RAPGEF2: variants seen among roughly 807,000 people sequenced by gnomAD.
RAPGEF2 encodes the protein PDZ domain containing guanine nucleotide exchange factor (GEF) 1.
In RAPGEF2, 54 loss-of-function variants were observed where a neutral mutation model predicts 186.7. That is an observed-to-expected ratio of 0.29 (90% CI 0.23 to 0.36). The LOEUF is 0.36. RAPGEF2 is among the 10% of genes least tolerant of loss of function. The pLI is 1.00. For synonymous variants in RAPGEF2, 712 were observed against 705.9 expected (o/e 1.01, Z -0.14); for missense variants, 1,532 against 2,045.0 (o/e 0.75, Z 4.84).
At chr4:159,145,969 C>T (rs748740244) in intron 1 of RAPGEF2, among the ~76,000 whole-genome samples, 2 of 152,140 alleles carry the variant, frequency 1.3e-5, no homozygotes, top group African/African-American at 2.4e-5. Flanking sequence ...GATAGGTAAA[C>T]TGTCACCACT....
intron 7 of RAPGEF2, chr4:159,268,140 C>G (rs750186677): frequency 6.2e-7 from 1 of 1,613,118 alleles, no homozygotes; most frequent in South Asian, 1.1e-5. Flanking sequence ...TTCAGTTCAG[C>G]ATATGTTTCT....
chr4:159,156,189 T>C (rs1490139546), intron 1 of RAPGEF2, among the ~76,000 whole-genome samples: 2 of 152,150 alleles, frequency 1.3e-5, no homozygotes, highest in Non-Finnish European at 2.9e-5. Context: ...AGGATCCACT[T>C]CCAAGCTGGC....
intron 1 of RAPGEF2, among the ~76,000 whole-genome samples, chr4:159,137,232 C>T (rs1319329036): frequency 2.6e-5 from 4 of 152,118 alleles, no homozygotes; most frequent in Non-Finnish European, 5.9e-5. Context: ...TCTCACAGTC[C>T]TGGAGGCCAG....
rs539347069 is a variant in RAPGEF2, at chr4:159,186,623, A to G, written c.70-19A>G. ...TTTCCTGACAGGTCTAATAATTTCT[A>G]TTCTTTTCTTTGAAACAGGATCTGG... On this transcript the variant is annotated intron_variant, in intron 1 of 29. Transcript: ENST00000691494. 43 of 1,336,754 alleles carry G rather than the reference A, an allele frequency of 3.2e-5. No individual in the cohort carries two copies. Among genetic ancestry groups the G allele is most frequent in the African/African-American group, 1.3e-4 (9 of 67,056 alleles). 82.8% of individuals were successfully genotyped at this position (1,336,754 alleles called of 1,614,324 possible). A position where few individuals can be genotyped will look rare whatever the true frequency, so the allele number is the denominator to read the frequency against.
chr4:159,330,105 C>A, intron 12 of RAPGEF2, 95 bp downstream of exon 12: 2 of 1,276,086 alleles, frequency 1.6e-6, no homozygotes. Context: ...TTAGGCCTAT[C>A]TCTTAAAGGT....
intron 1 of RAPGEF2, among the ~76,000 whole-genome samples, chr4:159,127,060 CTT>C (rs1243432989): frequency 6.6e-6 from 1 of 152,080 alleles, no homozygotes; most frequent in Non-Finnish European, 1.5e-5. Context: ...GAGTTTTGCT[CTT>C]GTCGCCCAGG....
At chr4:159,338,525 T>G in intron 18 of RAPGEF2, 57 bp downstream of exon 18, 1 of 1,471,970 alleles carries the variant, frequency 6.8e-7, no homozygotes, top group Non-Finnish European at 9.4e-7. Context: ...ATTTCTAACA[T>G]AATGGTCATA....
At chr4:159,355,820 G>GTT (rs113899296) in intron 28 of RAPGEF2, 33 bp from the exon 29 acceptor site, 21 of 1,510,772 alleles carry the variant, frequency 1.4e-5, no homozygotes, top group African/African-American at 1.4e-4. Context: ...GCATGAACTA[G>GTT]TTTTTAATGC....
rs115687644 is a variant in RAPGEF2, at chr4:159,272,089, G to C, written c.543+28298G>C. 8.9e-3 allele frequency among the ~76,000 whole-genome samples: 1,360 copies of C among 152,178 alleles called. 18 individuals are homozygous for C. The highest frequency in any genetic ancestry group is 0.031 in the African/African-American group (1,285 of 41,518). On this transcript the variant is annotated intron_variant, in intron 7 of 29. Coordinates refer to ENST00000691494, the MANE Select transcript of RAPGEF2 (RefSeq NM_001394067.2). The stretch of plus-strand genomic sequence containing the variant: ...GACCGTGGCCATTTGTGTTCTACCA[G>C]AAGTCCTGAACCTTGCCATTTTGTC...
At chr4:159,243,564 A>G (rs948319075) in intron 6 of RAPGEF2, among the ~76,000 whole-genome samples, 3 of 152,064 alleles carry the variant, frequency 2.0e-5, no homozygotes, top group Non-Finnish European at 2.9e-5. Flanking sequence ...TGCATGATCA[A>G]CTTCACAGGT....
chr4:159,237,348 T>A (rs28631513), intron 4 of RAPGEF2, among the ~76,000 whole-genome samples: 3,896 of 152,220 alleles, frequency 0.026, 174 homozygotes, highest in African/African-American at 0.088. Context: ...AGGACTTAAT[T>A]ATCTTTAACA....
In RAPGEF2 at chr4:159,104,536, G is replaced by C. The variant is rs1274077997; in HGVS notation, c.69+305G>C. On this transcript the variant is annotated intron_variant, in intron 1 of 29. Coordinates refer to ENST00000691494, the MANE Select transcript of RAPGEF2 (RefSeq NM_001394067.2). Reference sequence around the variant, plus strand: ...AGAGAGAGAGAGAGAGGGAGAGACAGAGAGAGAGAGAGAGAGAGTGTGTGT... The same window carrying C: ...AGAGAGAGAGAGAGAGGGAGAGACACAGAGAGAGAGAGAGAGAGTGTGTGT... 6.1e-4 allele frequency among the ~76,000 whole-genome samples: 63 copies of C among 102,902 alleles called. 3 individuals are homozygous for C. The highest frequency in any genetic ancestry group is 2.3e-3 in the African/African-American group (47 of 20,232). The allele number at this position is 102,902 out of a possible 152,430, so 67.5% of individuals were successfully genotyped here. A position where few individuals can be genotyped will look rare whatever the true frequency, so the allele number is the denominator to read the frequency against.
At chr4:159,233,260 G>A (rs1752846941) in intron 4 of RAPGEF2, among the ~76,000 whole-genome samples, 1 of 152,120 alleles carries the variant, frequency 6.6e-6, no homozygotes, top group Non-Finnish European at 1.5e-5. Flanking sequence ...ATTTATTCCT[G>A]TGCTTTTACT....
chr4:159,151,010 A>G (rs990317820), intron 1 of RAPGEF2, among the ~76,000 whole-genome samples: 26 of 152,188 alleles, frequency 1.7e-4, no homozygotes, highest in African/African-American at 6.3e-4. Context: ...GAGTGAGTAG[A>G]GCTAGGGCTT....
intron 4 of RAPGEF2, among the ~76,000 whole-genome samples, chr4:159,233,824 A>C (rs905715185): frequency 6.6e-6 from 1 of 152,172 alleles, no homozygotes; most frequent in Non-Finnish European, 1.5e-5. Flanking sequence ...AACACACACA[A>C]AAAATCAATT....
chr4:159,276,476 A>G (rs1397015250), intron 7 of RAPGEF2, among the ~76,000 whole-genome samples: 6 of 152,220 alleles, frequency 3.9e-5, no homozygotes, highest in Non-Finnish European at 1.5e-5. Flanking sequence ...ACAATTTTAT[A>G]TAGAAGAGGG....
chr4:159,199,723 T>C (rs1749205759), intron 3 of RAPGEF2, among the ~76,000 whole-genome samples: 1 of 152,152 alleles, frequency 6.6e-6, no homozygotes, highest in African/African-American at 2.4e-5. Context: ...TGTTTTGCAG[T>C]ATTGTTGCAG....
intron 7 of RAPGEF2, among the ~76,000 whole-genome samples, chr4:159,302,791 T>C (rs922292049): frequency 6.6e-6 from 1 of 151,842 alleles, no homozygotes; most frequent in Non-Finnish European, 1.5e-5. Context: ...TTTTATTTTT[T>C]ATTTTTTTTA....
At chr4:159,150,415 C>T (rs1054646783) in intron 1 of RAPGEF2, among the ~76,000 whole-genome samples, 16 of 152,136 alleles carry the variant, frequency 1.1e-4, no homozygotes, top group African/African-American at 3.4e-4. Context: ...CATGCTTGAA[C>T]GAAGTGTATC....
Sources: gnomAD v4.1 joint callset for allele counts (sites outside exome capture counted in the v4.1 genomes callset) on GRCh38, gnomAD v4.1.1 for gene constraint, MANE v1.5 for transcripts, NCBI Gene and HGNC (gene_info 2026-07-23, HGNC 2026-07-21) for gene names.